SNTG2: variants seen among roughly 807,000 people sequenced by gnomAD.
The protein encoded by SNTG2 is syntrophin gamma 2.
Under a neutral mutation model 70.9 loss-of-function variants are expected in SNTG2, and 74 were observed. The observed-to-expected ratio is 1.04, with a 90% CI of 0.86 to 1.27. SNTG2 has a LOEUF of 1.27. SNTG2 is among the 50% of genes most tolerant of loss of function. The pLI is 0.00. For synonymous variants in SNTG2, 278 were observed against 273.8 expected, an observed-to-expected ratio of 1.02 and a Z score of -0.15; for missense variants, 717 against 690.7, an observed-to-expected ratio of 1.04 and a Z score of -0.43.
chr2:1,212,458 A>G (rs570818860), intron 9 of SNTG2, among the ~76,000 whole-genome samples: 1 of 152,324 alleles, frequency 6.6e-6, no homozygotes, highest in African/African-American at 2.4e-5. Context: ...GTATTTCTTT[A>G]CAGCAGTGCA....
intron 1 of SNTG2, among the ~76,000 whole-genome samples, chr2:1,067,154 G>T (rs1322779982): frequency 6.7e-6 from 1 of 149,392 alleles, no homozygotes; most frequent in African/African-American, 2.5e-5. Flanking sequence ...AAAAAAGTGA[G>T]AAATGCGCAC....
chr2:1,192,742 C>T lies in SNTG2; in HGVS notation c.592-16361C>T, dbSNP rs1003342630. ...CTCGGACTCATCTGATCACACCGTC[C>T]CTCCTACACCCTCCCCTAGTGGAAT... On this transcript the variant is annotated intron_variant, in intron 8 of 16. Transcript: ENST00000308624. Among the ~76,000 whole-genome samples the T allele has an allele frequency of 3.9e-5, 6 of 152,090 alleles. No individual in the cohort carries two copies. The South Asian group carries it at 1.0e-3, about 26-fold the overall frequency.
intron 14 of SNTG2, 90 bp from the exon 15 acceptor site, chr2:1,308,404 G>T: frequency 1.7e-6 from 2 of 1,205,862 alleles, no homozygotes; most frequent in South Asian, 1.4e-5. Context: ...TATAATTTTT[G>T]ACCAAAGGGG....
intron 6 of SNTG2, among the ~76,000 whole-genome samples, chr2:1,155,697 A>G (rs1189453996): frequency 6.6e-6 from 1 of 152,126 alleles, no homozygotes; most frequent in Non-Finnish European, 1.5e-5. Flanking sequence ...TGCTGGGCAA[A>G]GCGGGGCTCT....
chr2:970,538 G>A (rs889477105), intron 1 of SNTG2, among the ~76,000 whole-genome samples: 9 of 144,166 alleles, frequency 6.2e-5, no homozygotes, highest in East Asian at 3.9e-4. Context: ...TTGTTCTTGC[G>A]ATAGTTTACT....
At chr2:1,123,222 T>C (rs1667493160) in intron 4 of SNTG2, among the ~76,000 whole-genome samples, 1 of 152,072 alleles carries the variant, frequency 6.6e-6, no homozygotes, top group African/African-American at 2.4e-5. Flanking sequence ...ACAATTCAAA[T>C]ATTCATATGG....
intron 1 of SNTG2, among the ~76,000 whole-genome samples, chr2:1,043,559 G>A (rs994990746): frequency 6.6e-6 from 1 of 152,028 alleles, no homozygotes; most frequent in Non-Finnish European, 1.5e-5. Flanking sequence ...TTACATTTAA[G>A]TCTTTAATCC....
intron 14 of SNTG2, among the ~76,000 whole-genome samples, chr2:1,281,138 C>G (rs1044246343): frequency 4.6e-5 from 7 of 151,606 alleles, no homozygotes; most frequent in Non-Finnish European, 8.8e-5. Flanking sequence ...CCAACACTCA[C>G]TCTCCCGTCT....
chr2:1,012,946 G>T (rs1388227926), intron 1 of SNTG2, among the ~76,000 whole-genome samples: 3 of 48,752 alleles, frequency 6.2e-5, no homozygotes, highest in African/African-American at 2.2e-4. Flanking sequence ...GTGGTCTGTA[G>T]AGGGATTTAT....
intron 9 of SNTG2, among the ~76,000 whole-genome samples, chr2:1,229,548 G>A (rs1466372470): frequency 2.0e-5 from 3 of 152,242 alleles, no homozygotes; most frequent in East Asian, 1.9e-4. Context: ...CAGTGGATCC[G>A]GCACCGGGGC....
intron 4 of SNTG2, among the ~76,000 whole-genome samples, chr2:1,103,821 C>A (rs1362018486): frequency 6.6e-6 from 1 of 152,166 alleles, no homozygotes; most frequent in Non-Finnish European, 1.5e-5. Context: ...ACGTTATAGA[C>A]CCCTGAGTGC....
At chr2:1,149,492 T>C (rs5029023) in intron 6 of SNTG2, among the ~76,000 whole-genome samples, 142,425 of 152,200 alleles carry the variant, frequency 0.94, 66,768 homozygotes, top group Non-Finnish European at 0.97. Flanking sequence ...TCCATGAGCA[T>C]ATTACAAAAT....
intron 16 of SNTG2, among the ~76,000 whole-genome samples, chr2:1,348,595 T>C (rs1660420995): frequency 6.6e-6 from 1 of 152,224 alleles, no homozygotes; most frequent in East Asian, 1.9e-4. Context: ...CTTGTAGTTG[T>C]CCCACCTTTC....
chr2:984,100 G>A (rs1426302323), intron 1 of SNTG2, among the ~76,000 whole-genome samples: 1 of 152,200 alleles, frequency 6.6e-6, no homozygotes, highest in Non-Finnish European at 1.5e-5. Flanking sequence ...GGAGCTCTGT[G>A]AGCCACACAT....
At chr2:1,354,828 A>G (rs1660757455) in intron 16 of SNTG2, among the ~76,000 whole-genome samples, 2 of 152,204 alleles carry the variant, frequency 1.3e-5, no homozygotes, top group Non-Finnish European at 2.9e-5. Flanking sequence ...GTGTGAGAAG[A>G]GAATACTTTG....
intron 1 of SNTG2, among the ~76,000 whole-genome samples, chr2:1,044,778 T>C (rs1171112285): frequency 6.6e-6 from 1 of 152,198 alleles, no homozygotes; most frequent in Non-Finnish European, 1.5e-5. Context: ...AATGTGCTGC[T>C]GGATTTAGTT....
chr2:1,348,412 C>T (rs1056041801), intron 16 of SNTG2, among the ~76,000 whole-genome samples: 20 of 152,212 alleles, frequency 1.3e-4, no homozygotes, highest in African/African-American at 4.8e-4. Flanking sequence ...ATTTTACAAC[C>T]TATTCTCTAA....
Position 1,205,151 on chromosome 2 carries a change from C to T in SNTG2, c.592-3952C>T, listed in dbSNP as rs931028537. On this transcript the variant is annotated intron_variant, in intron 8 of 16. Transcript: ENST00000308624. ...AGAACGTAGACTTAAGAGTGTGCTC[C>T]GAACACTACTTTGTGTCCATACATA... Among the ~76,000 whole-genome samples the T allele has an allele frequency of 6.6e-5, 10 of 151,988 alleles. No individual in the cohort carries two copies. The East Asian group carries it at 7.7e-4, about 12-fold the overall frequency.
intron 1 of SNTG2, among the ~76,000 whole-genome samples, chr2:1,045,056 A>T (rs1661655602): frequency 6.6e-6 from 1 of 151,730 alleles, no homozygotes; most frequent in Admixed American, 6.6e-5. Flanking sequence ...TATTAATAAG[A>T]ATTCAATTTT....
Sources: gnomAD v4.1 joint callset for allele counts (sites outside exome capture counted in the v4.1 genomes callset) on GRCh38, gnomAD v4.1.1 for gene constraint, MANE v1.5 for transcripts, NCBI Gene and HGNC (gene_info 2026-07-23, HGNC 2026-07-21) for gene names.